Variants in TCERG1L observed in about 807,000 individuals in gnomAD.
The protein encoded by TCERG1L is transcription elongation regulator 1 like.
Under a neutral mutation model 56.3 loss-of-function variants are expected in TCERG1L, and 37 were observed. That is an observed-to-expected ratio of 0.66 (90% CI 0.51 to 0.87). TCERG1L has a LOEUF of 0.87. Among genes scored for constraint, TCERG1L ranks in the 40% least tolerant of loss-of-function variants. TCERG1L has a pLI of 0.00. For synonymous variants in TCERG1L, 324 were observed against 326.3 expected (o/e 0.99, Z 0.08); for missense variants, 799 against 774.2 (o/e 1.03, Z -0.38).
intron 2 of TCERG1L, among the ~76,000 whole-genome samples, chr10:131,308,735 G>A (rs540986031): frequency 2.0e-5 from 3 of 152,132 alleles, no homozygotes; most frequent in Non-Finnish European, 4.4e-5. Flanking sequence ...ACAAAATGTA[G>A]TCAGTAAATT....
intron 6 of TCERG1L, among the ~76,000 whole-genome samples, chr10:131,154,214 C>T (rs1433597807): frequency 6.6e-6 from 1 of 152,154 alleles, no homozygotes; most frequent in Non-Finnish European, 1.5e-5. Context: ...AGTACATCCA[C>T]ACCAAGCAGC....
At chr10:131,210,459 G>T (rs1845604458) in intron 4 of TCERG1L, among the ~76,000 whole-genome samples, 1 of 152,218 alleles carries the variant, frequency 6.6e-6, no homozygotes, top group Non-Finnish European at 1.5e-5. Flanking sequence ...CTCTGGCAGG[G>T]AGACATCCAA....
chr10:131,167,412 C>A (rs1846043092), intron 4 of TCERG1L, among the ~76,000 whole-genome samples: 1 of 152,208 alleles, frequency 6.6e-6, no homozygotes, highest in Admixed American at 6.5e-5. Flanking sequence ...GTGCGCTGGG[C>A]AGTCAGGAGC....
At chr10:131,133,787 G>A (rs1287556965) in intron 8 of TCERG1L, among the ~76,000 whole-genome samples, 1 of 152,200 alleles carries the variant, frequency 6.6e-6, no homozygotes, top group Non-Finnish European at 1.5e-5. Context: ...CCCTACCTCG[G>A]TGCATGGCAA....
intron 9 of TCERG1L, among the ~76,000 whole-genome samples, chr10:131,109,972 C>G (rs550594572): frequency 6.6e-6 from 1 of 152,358 alleles, no homozygotes; most frequent in South Asian, 2.1e-4. Flanking sequence ...CCAAGCATCA[C>G]TCTGCAGATA....
At chr10:131,220,983 G>A (rs2944495) in intron 4 of TCERG1L, among the ~76,000 whole-genome samples, 30,805 of 152,032 alleles carry the variant, frequency 0.2, 3,535 homozygotes, top group East Asian at 0.44. Context: ...CCCCACCCCC[G>A]GAGCAACTGG....
At position 131,311,361 on chromosome 10, in the gene TCERG1L, G is replaced by A; in HGVS notation, c.275C>T (p.Pro92Leu). 1 of 1,200,642 alleles carries A rather than the reference G, an allele frequency of 8.3e-7. No homozygotes were observed. Among genetic ancestry groups the A allele is most frequent in the Non-Finnish European group, 1.0e-6 (1 of 969,294 alleles). 74.4% of individuals were successfully genotyped at this position (1,200,642 alleles called of 1,614,324 possible). A position where few individuals can be genotyped will look rare whatever the true frequency, so the allele number is the denominator to read the frequency against. ...APSEPVLPLL[P>L]LPSAPDSAAA... is the part of the protein sequence containing the mutation. ...GGCGGAGTCTGGCGCAGAGGGCAGCGGCAGCAGCGGGAGCACCGGCTCGCT... is the reference window on the plus strand; with the variant it reads ...GGCGGAGTCTGGCGCAGAGGGCAGCAGCAGCAGCGGGAGCACCGGCTCGCT... Residue 92 changes from proline to leucine, a missense_variant, in exon 1 of 12, where the codon CCG becomes CTG. Physicochemically the swap from Pro to Leu is moderately conservative, Grantham distance 98. Coordinates refer to ENST00000368642, the MANE Select transcript of TCERG1L (RefSeq NM_174937.4). This position sits in a 1 kb window ranked among gnomAD's most constrained non-coding sequence, Gnocchi z 4.0.
intron 9 of TCERG1L, among the ~76,000 whole-genome samples, chr10:131,114,811 TA>T (rs1390320805): frequency 6.6e-6 from 1 of 152,238 alleles, no homozygotes; most frequent in Non-Finnish European, 1.5e-5. Flanking sequence ...GTTAGTAAGA[TA>T]AAAGGAATGT....
At chr10:131,178,317 C>T (rs772065684) in intron 4 of TCERG1L, among the ~76,000 whole-genome samples, 2 of 152,162 alleles carry the variant, frequency 1.3e-5, no homozygotes, top group Non-Finnish European at 2.9e-5. Context: ...GGGCCCTGGA[C>T]GTACTTTTGA....
intron 4 of TCERG1L, among the ~76,000 whole-genome samples, chr10:131,238,219 G>A (rs66464243): frequency 0.059 from 8,965 of 152,200 alleles, 350 homozygotes; most frequent in Middle Eastern, 0.14. Context: ...CGGCCCCCAC[G>A]TGCTGTTCCG....
chr10:131,307,930 G>A (rs1387917274), intron 3 of TCERG1L, among the ~76,000 whole-genome samples: 1 of 151,822 alleles, frequency 6.6e-6, no homozygotes, highest in Non-Finnish European at 1.5e-5. Context: ...AGGAAACCTG[G>A]TCCAATCCTA....
At chr10:131,242,478 TC>T (rs1845984237) in intron 4 of TCERG1L, among the ~76,000 whole-genome samples, 1 of 152,106 alleles carries the variant, frequency 6.6e-6, no homozygotes, top group Non-Finnish European at 1.5e-5. Flanking sequence ...CAGAGAGTGG[TC>T]AAGGTGCGGG....
At chr10:131,195,253 TATC>T (rs1433370717) in intron 4 of TCERG1L, among the ~76,000 whole-genome samples, 1 of 152,218 alleles carries the variant, frequency 6.6e-6, no homozygotes, top group Non-Finnish European at 1.5e-5. Context: ...TCACAGCTTT[TATC>T]TGCCCATACC....
chr10:131,283,876 A>G (rs1846491450), intron 3 of TCERG1L, among the ~76,000 whole-genome samples: 1 of 152,146 alleles, frequency 6.6e-6, no homozygotes, highest in African/African-American at 2.4e-5. Flanking sequence ...GGCTCCCATC[A>G]CTTTGTGAGG....
At chr10:131,270,943 C>T (rs1008615613) in intron 3 of TCERG1L, among the ~76,000 whole-genome samples, 2 of 152,268 alleles carry the variant, frequency 1.3e-5, no homozygotes, top group Admixed American at 6.5e-5. Context: ...ATCCATCTGA[C>T]GCATCTGAGA....
intron 6 of TCERG1L, among the ~76,000 whole-genome samples, chr10:131,154,957 C>T (rs1026448036): frequency 3.3e-5 from 5 of 152,212 alleles, no homozygotes; most frequent in Non-Finnish European, 7.3e-5. Flanking sequence ...GGGCTAGTGA[C>T]GTTCTAGACA....
chr10:131,109,820 C>T (rs1370489612), intron 9 of TCERG1L, among the ~76,000 whole-genome samples: 3 of 152,198 alleles, frequency 2.0e-5, no homozygotes, highest in Admixed American at 6.5e-5. Context: ...CAATAGATTC[C>T]CTCCCATTTC....
intron 4 of TCERG1L, among the ~76,000 whole-genome samples, chr10:131,248,245 C>G (rs1236944169): frequency 1.4e-5 from 2 of 146,136 alleles, no homozygotes; most frequent in African/African-American, 2.6e-5. Flanking sequence ...ACACGACTCA[C>G]ACACACTGAT....
At chr10:131,095,243 C>T (rs1411999779) in intron 11 of TCERG1L, 2 of 153,370 alleles carry the variant, frequency 1.3e-5, no homozygotes, top group Non-Finnish European at 2.9e-5. Flanking sequence ...CGGCCAACCC[C>T]ACCGGGCGTC....
Sources: gnomAD v4.1 joint callset for allele counts (sites outside exome capture counted in the v4.1 genomes callset) on GRCh38, gnomAD v4.1.1 for gene constraint, Gnocchi (gnomAD v3.1) non-coding constraint, MANE v1.5 for transcripts, NCBI Gene and HGNC (gene_info 2026-07-23, HGNC 2026-07-21) for gene names.